PPM1H: variants seen among roughly 807,000 people sequenced by gnomAD.
The protein encoded by PPM1H is protein phosphatase 1H.
In PPM1H, 27 loss-of-function variants were observed where a neutral mutation model predicts 54.9. The observed-to-expected ratio is 0.49, with a 90% CI of 0.36 to 0.68. The LOEUF is 0.68. PPM1H is among the 30% of genes least tolerant of loss of function. The pLI is 0.00. For missense variants in PPM1H, 596 were observed against 667.8 expected (o/e 0.89, Z 1.19); for synonymous variants, 305 against 270.8 (o/e 1.13, Z -1.24).
intron 1 of PPM1H, among the ~76,000 whole-genome samples, chr12:62,856,811 G>C (rs1205827912): frequency 6.6e-6 from 1 of 152,168 alleles, no homozygotes; most frequent in Admixed American, 6.5e-5. Flanking sequence ...ACTTTAGAGA[G>C]TGAAGCAGTA....
chr12:62,777,935 AT>A (rs1374345090), intron 4 of PPM1H, among the ~76,000 whole-genome samples: 1 of 152,174 alleles, frequency 6.6e-6, no homozygotes, highest in Non-Finnish European at 1.5e-5. Flanking sequence ...CATTATTCAA[AT>A]GTGTTCTTCT....
intron 1 of PPM1H, among the ~76,000 whole-genome samples, chr12:62,895,681 G>A (rs755323005): frequency 1.5e-4 from 23 of 152,224 alleles, no homozygotes; most frequent in South Asian, 4.1e-4. Flanking sequence ...CTTCATTCCT[G>A]CAATAACTGG....
chr12:62,662,905 T>G (rs1446066611), intron 9 of PPM1H, among the ~76,000 whole-genome samples: 1 of 152,326 alleles, frequency 6.6e-6, no homozygotes, highest in East Asian at 1.9e-4. Flanking sequence ...ATTTTCTTGG[T>G]TTTTGTTATA....
At chr12:62,895,718 T>C (rs1000896520) in intron 1 of PPM1H, among the ~76,000 whole-genome samples, 4 of 152,142 alleles carry the variant, frequency 2.6e-5, no homozygotes, top group Non-Finnish European at 5.9e-5. Context: ...GGGGGCCTCC[T>C]CTGCACTTGC....
At chr12:62,880,101 GGAGA>G (rs933587656) in intron 1 of PPM1H, among the ~76,000 whole-genome samples, 1 of 152,030 alleles carries the variant, frequency 6.6e-6, no homozygotes, top group African/African-American at 2.4e-5. Flanking sequence ...CTCATTGAAA[GGAGA>G]GAGAGAGAAA....
chr12:62,872,846 A>C (rs1870033207), intron 1 of PPM1H, among the ~76,000 whole-genome samples: 1 of 152,224 alleles, frequency 6.6e-6, no homozygotes, highest in Non-Finnish European at 1.5e-5. Context: ...AGTATGTGCA[A>C]AGAAGGCACA....
chr12:62,661,082 C>T (rs1420280787), intron 9 of PPM1H, among the ~76,000 whole-genome samples: 4 of 152,148 alleles, frequency 2.6e-5, no homozygotes, highest in Admixed American at 2.0e-4. Flanking sequence ...ACATTCTGCT[C>T]CCCACCTCCA....
At chr12:62,851,962 G>A (rs552109844) in intron 1 of PPM1H, among the ~76,000 whole-genome samples, 37 of 149,858 alleles carry the variant, frequency 2.5e-4, no homozygotes, top group African/African-American at 5.4e-4. Context: ...GGCCGGGCGC[G>A]GTGGCTCACG....
At chr12:62,725,151 A>C (rs2076283263) in intron 5 of PPM1H, among the ~76,000 whole-genome samples, 1 of 152,210 alleles carries the variant, frequency 6.6e-6, no homozygotes, top group South Asian at 2.1e-4. Context: ...ACACCTCCTC[A>C]AACTCCTCCG....
intron 5 of PPM1H, among the ~76,000 whole-genome samples, chr12:62,735,516 C>A (rs1038361651): frequency 6.6e-6 from 1 of 152,186 alleles, no homozygotes; most frequent in Non-Finnish European, 1.5e-5. Context: ...CCGTGCCCAG[C>A]CTGTTTTTAA....
At chr12:62,649,173 C>A (rs1592522722) in intron 9 of PPM1H, among the ~76,000 whole-genome samples, 1 of 149,916 alleles carries the variant, frequency 6.7e-6, no homozygotes. Flanking sequence ...CTGGCATAAG[C>A]ATATAGCAAG....
At chr12:62,828,427 T>C (rs1340460167) in intron 2 of PPM1H, among the ~76,000 whole-genome samples, 1 of 152,216 alleles carries the variant, frequency 6.6e-6, no homozygotes, top group African/African-American at 2.4e-5. Flanking sequence ...GAACGATAAA[T>C]GCTCTTCCTT....
chr12:62,841,449 G>A (rs1868745833), intron 1 of PPM1H, among the ~76,000 whole-genome samples: 1 of 152,136 alleles, frequency 6.6e-6, no homozygotes, highest in African/African-American at 2.4e-5. Flanking sequence ...GTCTCTTGTG[G>A]TTTTCATACT....
intron 9 of PPM1H, 139 bp from the exon 10 acceptor site, chr12:62,648,775 G>T (rs1319980738): frequency 1.0e-5 from 10 of 996,216 alleles, no homozygotes; most frequent in Non-Finnish European, 1.1e-5. Flanking sequence ...AAAAGACAAG[G>T]TCATCTTTTC....
chr12:62,772,236 G>A (rs1002024349), intron 4 of PPM1H, among the ~76,000 whole-genome samples: 3 of 152,128 alleles, frequency 2.0e-5, no homozygotes, highest in Admixed American at 6.5e-5. Flanking sequence ...TTCTGCAAAG[G>A]AGGCTATTAT....
At chr12:62,788,370 G>T in intron 3 of PPM1H, 32 bp from the exon 4 acceptor site, 1 of 1,320,214 alleles carries the variant, frequency 7.6e-7, no homozygotes, top group Non-Finnish European at 1.1e-6. Context: ...GTGTTGGATT[G>T]TGCAGGATGT....
intron 2 of PPM1H, among the ~76,000 whole-genome samples, chr12:62,823,591 A>G (rs959874874): frequency 7.2e-5 from 11 of 152,226 alleles, no homozygotes; most frequent in African/African-American, 2.7e-4. Context: ...AGGCTTGTTC[A>G]ACATACCCAA....
chr12:62,785,593 A>G (rs918611449), intron 4 of PPM1H, among the ~76,000 whole-genome samples: 4 of 152,264 alleles, frequency 2.6e-5, no homozygotes, highest in Non-Finnish European at 1.5e-5. Context: ...GTACAACTTT[A>G]CTTTCTAAAA....
chr12:62,854,106 G>A (rs994007384), intron 1 of PPM1H, among the ~76,000 whole-genome samples: 5 of 152,190 alleles, frequency 3.3e-5, no homozygotes, highest in Non-Finnish European at 5.9e-5. Flanking sequence ...TTTTCTGTTT[G>A]TTGCTCACAT....
Sources: allele counts gnomAD v4.1 joint callset (sites outside exome capture counted in the v4.1 genomes callset), GRCh38; gene constraint gnomAD v4.1.1; transcripts MANE v1.5; gene names NCBI Gene and HGNC (gene_info 2026-07-23, HGNC 2026-07-21).